Variants in AGAP1 observed in about 807,000 individuals in gnomAD.
AGAP1 encodes the protein arf-GAP with GTPase, ANK repeat and PH domain-containing protein 1.
A neutral mutation model predicts 105.3 loss-of-function variants in AGAP1; 29 were observed. That is an observed-to-expected ratio of 0.28 (90% CI 0.21 to 0.38). The LOEUF (loss-of-function observed/expected upper bound fraction) is 0.38, where lower values mean the gene tolerates loss of function less well. AGAP1 is among the 10% of genes least tolerant of loss of function. The probability of loss-of-function intolerance (pLI) is 1.00; values close to 1 mark genes in which losing one functional copy is unlikely to be tolerated. For missense variants in AGAP1, 998 were observed against 1,165.1 expected, an observed-to-expected ratio of 0.86 and a Z score of 2.09; for synonymous variants, 509 against 485.9, an observed-to-expected ratio of 1.05 and a Z score of -0.63.
intron 1 of AGAP1, among the ~76,000 whole-genome samples, chr2:235,627,921 TC>T (rs1198476802): frequency 6.6e-6 from 1 of 152,096 alleles, no homozygotes; most frequent in Admixed American, 6.5e-5. Flanking sequence ...AGGAAGAGGT[TC>T]CCTTAGGAGC....
rs955335785 is a variant in AGAP1 at position 235,843,234 on chromosome 2, C to T, written c.1050+35903C>T. 3.9e-5 allele frequency among the ~76,000 whole-genome samples: 6 copies of T among 152,022 alleles called. No homozygotes were observed. Among genetic ancestry groups the T allele is most frequent in the African/African-American group, 1.4e-4 (6 of 41,420 alleles). The stretch of plus-strand genomic sequence containing the variant: ...GCCCTCCTTCTTAGAGAGTGGTCTT[C>T]GGGAGGACCTGAGCTTCGGCTGCGG... On this transcript the variant is annotated intron_variant, in intron 9 of 17. Transcript: ENST00000304032. The surrounding 1 kb of genome is among the most constrained non-coding windows in gnomAD (Gnocchi z 5.9).
chr2:235,499,555 G>A (rs186183517), intron 1 of AGAP1, among the ~76,000 whole-genome samples: 3 of 152,126 alleles, frequency 2.0e-5, no homozygotes, highest in Non-Finnish European at 4.4e-5. Flanking sequence ...GTGAGCTCTC[G>A]TACCTTGCCG....
At chr2:236,017,292 CA>C (rs1202844758) in intron 13 of AGAP1, among the ~76,000 whole-genome samples, 5,129 of 104,386 alleles carry the variant, frequency 0.049, 238 homozygotes, top group African/African-American at 0.15. Flanking sequence ...GACTCCATCT[CA>C]AAAAAAAAAA....
rs1407268326 is a variant in AGAP1, at chr2:236,128,923, G to A, written c.*4801G>A. On this transcript the variant is annotated 3_prime_UTR_variant, in exon 18 of 18. Transcript: ENST00000304032. The surrounding 1 kb of genome is among the most constrained non-coding windows in gnomAD (Gnocchi z 5.9). ...CCGGGGTTGTATTTATGGCCTTCAAGCAAACAAATTGAAAAGCAGTCAAGG... is the reference window on the plus strand; with the variant it reads ...CCGGGGTTGTATTTATGGCCTTCAAACAAACAAATTGAAAAGCAGTCAAGG... The A allele has an allele frequency of 6.6e-6, 1 of 152,198 alleles. No individual in the cohort carries two copies. The highest frequency in any genetic ancestry group is 2.4e-5 in the African/African-American group (1 of 41,446). The allele number at this position is 152,198 out of a possible 1,614,324, so 9.4% of individuals were successfully genotyped here.
chr2:235,629,590 C>T (rs753786234), intron 1 of AGAP1, among the ~76,000 whole-genome samples: 7 of 151,750 alleles, frequency 4.6e-5, no homozygotes, highest in African/African-American at 9.7e-5. Context: ...ATTGAGGGGC[C>T]GGGCGCAGTG....
intron 10 of AGAP1, among the ~76,000 whole-genome samples, chr2:235,898,472 T>TGGGGGG: frequency 8.2e-6 from 1 of 121,410 alleles, no homozygotes; most frequent in African/African-American, 3.4e-5. Context: ...GAGGACAGGT[T>TGGGGGG]CCCCCCCCCA....
intron 1 of AGAP1, among the ~76,000 whole-genome samples, chr2:235,667,551 G>A (rs1229321569): frequency 2.6e-5 from 4 of 152,026 alleles, no homozygotes; most frequent in East Asian, 1.9e-4. Context: ...CTCTGTCTCC[G>A]AGCCTCTGCA....
At chr2:235,695,637 G>A (rs1190588874) in intron 1 of AGAP1, among the ~76,000 whole-genome samples, 1 of 152,222 alleles carries the variant, frequency 6.6e-6, no homozygotes, top group Non-Finnish European at 1.5e-5. Flanking sequence ...CTGCCTGTAA[G>A]CATACATATT....
rs1172393048 is a variant in AGAP1 at position 235,746,377 on chromosome 2, C to CTTTTTTTTTTTT, written c.538+1561_538+1572dup. On this transcript the variant is annotated intron_variant, in intron 5 of 17. Coordinates refer to ENST00000304032, the MANE Select transcript of AGAP1 (RefSeq NM_001037131.3). ...GCTTCCTGGAGAGCACCTCCCCCAA[C>CTTTTTTTTTTTT]TTTTTTTTTTTTTTTTTTTTTTTTT... 6.8e-3 allele frequency among the ~76,000 whole-genome samples: 378 copies of CTTTTTTTTTTTT among 55,556 alleles called. 72 individuals carry two copies. Among genetic ancestry groups the CTTTTTTTTTTTT allele is most frequent in the East Asian group, 8.8e-3 (15 of 1,710 alleles). The allele number at this position is 55,556 out of a possible 152,430, so 36.4% of individuals were successfully genotyped here. A position where few individuals can be genotyped will look rare whatever the true frequency, so the allele number is the denominator to read the frequency against.
At chr2:236,066,917 G>A (rs2058360101) in intron 16 of AGAP1, among the ~76,000 whole-genome samples, 1 of 152,048 alleles carries the variant, frequency 6.6e-6, no homozygotes, top group South Asian at 2.1e-4. Flanking sequence ...ACGTTTTTGT[G>A]CCTGGCTACT....
intron 5 of AGAP1, among the ~76,000 whole-genome samples, chr2:235,745,067 C>T (rs978033471): frequency 1.3e-5 from 2 of 151,352 alleles, no homozygotes; most frequent in African/African-American, 4.9e-5. Flanking sequence ...ATCCCAGGTG[C>T]TTTATGAAAA....
In AGAP1 at chr2:235,635,796, A is replaced by T. The variant is rs975151097; in HGVS notation, c.164-73383A>T. On this transcript the variant is annotated intron_variant, in intron 1 of 17. Transcript: ENST00000304032. This position sits in a 1 kb window ranked among gnomAD's most constrained non-coding sequence, Gnocchi z 5.3. ...CTGATAGGTCGTTCTGAGTAGGACA[A>T]ATGTTTTCCTTTCCGTGCTTTAAAA... Among the ~76,000 whole-genome samples, 1 of 152,092 alleles carries T rather than the reference A, an allele frequency of 6.6e-6. No homozygotes were observed. Among genetic ancestry groups the T allele is most frequent in the Non-Finnish European group, 1.5e-5 (1 of 68,024 alleles).
At position 235,816,839 on chromosome 2, in the gene AGAP1, C is replaced by T. The variant is rs200586118; in HGVS notation, c.1050+9508C>T. On this transcript the variant is annotated intron_variant, in intron 9 of 17. Transcript: ENST00000304032. ...CCAGGAGACGGAGGTTGCAGTGAGC[C>T]GAGATCATGCTACTGGACTCCTTTT... Among the ~76,000 whole-genome samples, 12 of 151,300 alleles carry T rather than the reference C, an allele frequency of 7.9e-5. No homozygotes were observed. In the East Asian group the frequency reaches 2.3e-3, roughly 29 times the overall value.
At chr2:236,098,351 A>T (rs1160463586) in intron 16 of AGAP1, among the ~76,000 whole-genome samples, 4 of 151,938 alleles carry the variant, frequency 2.6e-5, no homozygotes, top group Non-Finnish European at 5.9e-5. Context: ...GCTGACAGGG[A>T]ACACATGAGG....
At chr2:235,563,911 T>C (rs546545469) in intron 1 of AGAP1, among the ~76,000 whole-genome samples, 2 of 152,228 alleles carry the variant, frequency 1.3e-5, no homozygotes, top group Non-Finnish European at 2.9e-5. Context: ...AGAAGCTTGC[T>C]CCAGGTTACA....
rs114577600 is a variant in AGAP1 at position 235,958,450 on chromosome 2, G to A, written c.1484-10012G>A. ...GACACATTTAGAGACCCTCGGGAGC[G>A]CGAGGGATATGAGAATCACAAGCAC... On this transcript the variant is annotated intron_variant, in intron 12 of 17. Coordinates refer to ENST00000304032, the MANE Select transcript of AGAP1 (RefSeq NM_001037131.3). This position sits in a 1 kb window ranked among gnomAD's most constrained non-coding sequence, Gnocchi z 4.1. 6.6e-6 allele frequency among the ~76,000 whole-genome samples: 1 copy of A among 152,166 alleles called. No individual in the cohort carries two copies. The highest frequency in any genetic ancestry group is 2.4e-5 in the African/African-American group (1 of 41,516).
chr2:235,931,027 C>CT lies in AGAP1; in HGVS notation c.1483+104_1483+105insT. 2.2e-6 allele frequency: 3 copies of CT among 1,343,464 alleles called. No individual in the cohort carries two copies. Among genetic ancestry groups the CT allele is most frequent in the Non-Finnish European group, 3.0e-6 (3 of 1,001,896 alleles). The allele number at this position is 1,343,464 out of a possible 1,614,324, so 83.2% of individuals were successfully genotyped here. A position where few individuals can be genotyped will look rare whatever the true frequency, so the allele number is the denominator to read the frequency against. On this transcript the variant is annotated intron_variant, in intron 12 of 17. Transcript: ENST00000304032. This position sits in a 1 kb window ranked among gnomAD's most constrained non-coding sequence, Gnocchi z 5.6. The stretch of plus-strand genomic sequence containing the variant: ...CTAAGCTCTCATGCTCCTCTGGGAG[C>CT]GCAGCACCCTGTGGGGCGGCTGCAT...
Position 235,934,093 on chromosome 2 carries a change from C to T in AGAP1, c.1483+3170C>T, listed in dbSNP as rs2052865572. ...GATTCAGCTCTCCATCACTGCATGT[C>T]AAGGTGTGCCTCCAGGAGCAGCAGC... On this transcript the variant is annotated intron_variant, in intron 12 of 17. Transcript: ENST00000304032. This position sits in a 1 kb window ranked among gnomAD's most constrained non-coding sequence, Gnocchi z 4.9. 6.6e-6 allele frequency among the ~76,000 whole-genome samples: 1 copy of T among 152,206 alleles called. No individual in the cohort carries two copies. Among genetic ancestry groups the T allele is most frequent in the Admixed American group, 6.5e-5 (1 of 15,284 alleles).
rs1241057042 is a variant in AGAP1 at position 236,005,813 on chromosome 2, A to G, written c.1646-30748A>G. On this transcript the variant is annotated intron_variant, in intron 13 of 17. Transcript: ENST00000304032. This position sits in a 1 kb window ranked among gnomAD's most constrained non-coding sequence, Gnocchi z 4.1. Reference sequence around the variant, plus strand: ...AGTGCTATTTCCATCCTATCCTGTCAAGGGTATATACCATCAACTTTATTT... The same window carrying G: ...AGTGCTATTTCCATCCTATCCTGTCGAGGGTATATACCATCAACTTTATTT... Among the ~76,000 whole-genome samples, 4 of 152,228 alleles carry G rather than the reference A, an allele frequency of 2.6e-5. No individual in the cohort carries two copies. Among genetic ancestry groups the G allele is most frequent in the African/African-American group, 9.6e-5 (4 of 41,462 alleles).
Sources: allele counts gnomAD v4.1 joint callset (sites outside exome capture counted in the v4.1 genomes callset), GRCh38; gene constraint gnomAD v4.1.1; non-coding constraint Gnocchi (gnomAD v3.1); transcripts MANE v1.5; gene names NCBI Gene and HGNC (gene_info 2026-07-23, HGNC 2026-07-21).